DPP10: variants seen among roughly 807,000 people sequenced by gnomAD.
DPP10 encodes inactive dipeptidyl peptidase 10.
A neutral mutation model predicts 120.9 loss-of-function variants in DPP10; 33 were observed. That is an observed-to-expected ratio of 0.27 (90% CI 0.21 to 0.37). The LOEUF (loss-of-function observed/expected upper bound fraction) is 0.37. Ranked by LOEUF, DPP10 falls within the 10% of genes least tolerant of loss-of-function variation. The pLI is 1.00. For synonymous variants in DPP10, 337 were observed against 326.1 expected, an observed-to-expected ratio of 1.03 and a Z score of -0.36; for missense variants, 816 against 942.8, an observed-to-expected ratio of 0.87 and a Z score of 1.76.
chr2:115,570,154 C>T (rs1359010496), intron 5 of DPP10, among the ~76,000 whole-genome samples: 2 of 152,184 alleles, frequency 1.3e-5, no homozygotes, highest in African/African-American at 4.8e-5. Flanking sequence ...CCGGGAAACT[C>T]TTGTCTCTCA....
At chr2:114,873,077 A>G (rs1465305746) in intron 1 of DPP10, among the ~76,000 whole-genome samples, 1 of 152,198 alleles carries the variant, frequency 6.6e-6, no homozygotes, top group Admixed American at 6.5e-5. Flanking sequence ...AGAAGCAATT[A>G]TCGAAGGCCA....
intron 1 of DPP10, among the ~76,000 whole-genome samples, chr2:115,205,007 A>G (rs922088065): frequency 1.3e-5 from 2 of 152,100 alleles, no homozygotes; most frequent in Non-Finnish European, 2.9e-5. Flanking sequence ...TGTTGGCTGC[A>G]TGGCTAGTGA....
intron 5 of DPP10, among the ~76,000 whole-genome samples, chr2:115,605,060 T>C (rs932490514): frequency 6.6e-6 from 1 of 152,188 alleles, no homozygotes; most frequent in Non-Finnish European, 1.5e-5. Flanking sequence ...AGGTAGATGA[T>C]AGTAAAGTTA....
intron 4 of DPP10, among the ~76,000 whole-genome samples, chr2:115,511,522 C>T (rs1457587545): frequency 1.3e-5 from 2 of 151,554 alleles, no homozygotes; most frequent in African/African-American, 4.8e-5. Context: ...AAACTCTCAG[C>T]CTTATTCATT....
At chr2:115,237,241 A>G (rs572631759) in intron 1 of DPP10, among the ~76,000 whole-genome samples, 7 of 143,932 alleles carry the variant, frequency 4.9e-5, no homozygotes, top group Non-Finnish European at 9.1e-5. Context: ...TTTCAAATTA[A>G]TTCATTATTA....
At chr2:115,404,733 C>T in intron 3 of DPP10, among the ~76,000 whole-genome samples, 1 of 152,106 alleles carries the variant, frequency 6.6e-6, no homozygotes. Flanking sequence ...TTTACTTCAT[C>T]ATGACATGGA....
intron 5 of DPP10, among the ~76,000 whole-genome samples, chr2:115,632,717 C>T (rs547171187): frequency 1.3e-5 from 2 of 152,220 alleles, no homozygotes; most frequent in East Asian, 3.9e-4. Flanking sequence ...CTATAAAAAA[C>T]TTAAATAAAT....
intron 1 of DPP10, among the ~76,000 whole-genome samples, chr2:114,713,913 A>T (rs192727458): frequency 1.3e-5 from 2 of 151,690 alleles, no homozygotes; most frequent in East Asian, 3.9e-4. Context: ...TGAACTCAGG[A>T]GGCGGAGGTT....
intron 16 of DPP10, among the ~76,000 whole-genome samples, chr2:115,781,852 A>C (rs181078276): frequency 6.6e-6 from 1 of 152,172 alleles, no homozygotes; most frequent in African/African-American, 2.4e-5. Flanking sequence ...TATTTTAAAT[A>C]TTTGAAGATT....
intron 7 of DPP10, among the ~76,000 whole-genome samples, chr2:115,695,011 C>A (rs1316211137): frequency 6.6e-6 from 1 of 152,184 alleles, no homozygotes; most frequent in Admixed American, 6.5e-5. Flanking sequence ...TCCTTACACC[C>A]TTATAACAAG....
intron 1 of DPP10, among the ~76,000 whole-genome samples, chr2:115,204,043 C>A (rs10187050): frequency 6.6e-6 from 1 of 151,968 alleles, no homozygotes; most frequent in Admixed American, 6.6e-5. Context: ...GAGACTCCCC[C>A]TCACGTTCTA....
intron 1 of DPP10, among the ~76,000 whole-genome samples, chr2:114,778,064 C>G (rs1191868949): frequency 6.6e-6 from 1 of 152,028 alleles, no homozygotes; most frequent in Non-Finnish European, 1.5e-5. Context: ...TCATCTTAAA[C>G]ATGTCCAAGA....
chr2:114,893,768 A>ATG (rs1692736487), intron 1 of DPP10, among the ~76,000 whole-genome samples: 1 of 152,210 alleles, frequency 6.6e-6, no homozygotes. Flanking sequence ...CATATTCATG[A>ATG]TGCACATATT....
At chr2:115,135,524 A>G (rs1473626152) in intron 1 of DPP10, among the ~76,000 whole-genome samples, 2 of 152,164 alleles carry the variant, frequency 1.3e-5, no homozygotes, top group Non-Finnish European at 2.9e-5. Context: ...CCCATGAGAT[A>G]GTAGGTAGAA....
At chr2:115,013,781 C>A (rs1401494977) in intron 1 of DPP10, among the ~76,000 whole-genome samples, 1 of 150,448 alleles carries the variant, frequency 6.6e-6, no homozygotes, top group Non-Finnish European at 1.5e-5. Context: ...ATGCAAGCAA[C>A]AAGAAAAGCT....
chr2:114,512,304 T>A (rs1230856232), intron 1 of DPP10, among the ~76,000 whole-genome samples: 1 of 152,226 alleles, frequency 6.6e-6, no homozygotes, highest in African/African-American at 2.4e-5. Context: ...TTCCTTCACC[T>A]TTCACATGTG....
intron 1 of DPP10, among the ~76,000 whole-genome samples, chr2:115,193,116 C>T (rs1215353758): frequency 2.0e-5 from 3 of 152,038 alleles, no homozygotes; most frequent in Non-Finnish European, 4.4e-5. Context: ...TTCAGGAGGC[C>T]GAATTACTTT....
intron 3 of DPP10, among the ~76,000 whole-genome samples, chr2:115,376,326 A>AT (rs1460807373): frequency 6.6e-6 from 1 of 152,180 alleles, no homozygotes; most frequent in Non-Finnish European, 1.5e-5. Context: ...ACTCAGAAGA[A>AT]TTTTGAGTTT....
intron 12 of DPP10, among the ~76,000 whole-genome samples, chr2:115,767,385 G>T (rs1264347223): frequency 6.6e-6 from 1 of 151,932 alleles, no homozygotes; most frequent in Non-Finnish European, 1.5e-5. Flanking sequence ...AGTCCAGCAG[G>T]AAAAACTCAA....
Sources: allele counts gnomAD v4.1 joint callset (sites outside exome capture counted in the v4.1 genomes callset), GRCh38; gene constraint gnomAD v4.1.1; transcripts MANE v1.5; gene names NCBI Gene and HGNC (gene_info 2026-07-23, HGNC 2026-07-21).